The following PPP1R21 variants were observed in gnomAD, a reference collection of about 807,000 sequenced individuals.
PPP1R21 encodes the protein KLRAQ motif containing 1.
In PPP1R21, 85 loss-of-function variants were observed where a neutral mutation model predicts 112.8. That is an observed-to-expected ratio of 0.75 (90% CI 0.63 to 0.90). The LOEUF is 0.90. PPP1R21 is among the 40% of genes least tolerant of loss of function. The probability of loss-of-function intolerance (pLI) is 0.00; values close to 1 mark genes in which losing one functional copy is unlikely to be tolerated. For missense variants in PPP1R21, 1,199 were observed against 901.5 expected (o/e 1.33, Z -4.23); for synonymous variants, 381 against 322.3 (o/e 1.18, Z -1.95).
chr2:48,455,820 C>T (rs1667695596), intron 3 of PPP1R21, among the ~76,000 whole-genome samples: 1 of 151,900 alleles, frequency 6.6e-6, no homozygotes, highest in African/African-American at 2.4e-5. Flanking sequence ...TGAGACCATC[C>T]TGGCTAACAT....
At chr2:48,476,325 T>C (rs1024446098) in intron 12 of PPP1R21, among the ~76,000 whole-genome samples, 1 of 152,272 alleles carries the variant, frequency 6.6e-6, no homozygotes, top group Non-Finnish European at 1.5e-5. Context: ...TTTATGGATG[T>C]ATCACATTTT....
In PPP1R21 at chr2:48,494,570, C is replaced by T. The variant is rs1012545232; in HGVS notation, c.1600-1109C>T. On this transcript the variant is annotated intron_variant, in intron 15 of 21. Transcript: ENST00000294952. Reference sequence around the variant, plus strand: ...GCCTCCCACAGGATCCTGCCACCTCCCCCGGCTAATTGTTTTTGTATTTTT... The same window carrying T: ...GCCTCCCACAGGATCCTGCCACCTCTCCCGGCTAATTGTTTTTGTATTTTT... Among the ~76,000 whole-genome samples the T allele has an allele frequency of 4.6e-5, 7 of 151,348 alleles. No homozygotes were observed. In the South Asian group the frequency reaches 1.5e-3, roughly 32 times the overall value.
At position 48,470,535 on chromosome 2, in the gene PPP1R21, A is replaced by G. The variant is rs573471566; in HGVS notation, c.898-552A>G. Among the ~76,000 whole-genome samples, 163 of 151,548 alleles carry G rather than the reference A, an allele frequency of 1.1e-3. 3 individuals are homozygous for G. The highest frequency in any genetic ancestry group is 3.7e-3 in the African/African-American group (151 of 41,320). On this transcript the variant is annotated intron_variant, in intron 9 of 21. Coordinates refer to ENST00000294952, the MANE Select transcript of PPP1R21 (RefSeq NM_001135629.3). ...ACTCTGTCTCAAAAAAAAAAAAAAA[A>G]GGTTTCTGTATCCTCATTTTGATAA...
At chr2:48,501,965 A>C (rs1670136588) in intron 17 of PPP1R21, 1 of 152,200 alleles carries the variant, frequency 6.6e-6, no homozygotes, top group Admixed American at 6.5e-5. Flanking sequence ...ATTTTTGAGC[A>C]GGGACCATGC....
intron 4 of PPP1R21, among the ~76,000 whole-genome samples, chr2:48,459,134 A>G (rs1667863995): frequency 6.6e-6 from 1 of 151,076 alleles, no homozygotes; most frequent in Admixed American, 6.6e-5. Context: ...TAGTGTATCC[A>G]ACTATAACCT....
chr2:48,440,869 C>G lies in PPP1R21; in HGVS notation c.-85C>G, dbSNP rs60276176. On this transcript the variant is annotated 5_prime_UTR_variant, in exon 1 of 22. Transcript: ENST00000294952. Reference sequence around the variant, plus strand: ...CCAAGCAGGCAGATACTGCCTGACCCGTTCCCGGGAGCGTGTCTGGGTTTG... The same window carrying G: ...CCAAGCAGGCAGATACTGCCTGACCGGTTCCCGGGAGCGTGTCTGGGTTTG... The G allele has an allele frequency of 8.3e-6, 7 of 838,488 alleles. No individual in the cohort carries two copies. The highest frequency in any genetic ancestry group is 5.8e-5 in the South Asian group (4 of 69,078). The allele number at this position is 838,488 out of a possible 1,614,324, so 51.9% of individuals were successfully genotyped here. A position where few individuals can be genotyped will look rare whatever the true frequency, so the allele number is the denominator to read the frequency against.
chr2:48,471,315 T>G lies in PPP1R21; in HGVS notation c.1036T>G (p.Leu346Val). 1 of 1,611,834 alleles carries G rather than the reference T, an allele frequency of 6.2e-7. No individual in the cohort carries two copies. The highest frequency in any genetic ancestry group is 1.3e-5 in the African/African-American group (1 of 74,904). The part of the protein sequence containing the change: ...TVKLKTFSEH[L>V]TSYICFLRKI... ...GAAATTGAAAACTTTTTCAGAACAC[T>G]TAACCTCCTACATATGTTTTCTTAG... The change falls in exon 11 of 22, where the codon TTA becomes GTA. Residue 346 changes from leucine to valine, a missense_variant. Transcript: ENST00000294952.
intron 17 of PPP1R21, among the ~76,000 whole-genome samples, chr2:48,500,738 C>G (rs1183779469): frequency 1.3e-5 from 2 of 152,058 alleles, no homozygotes; most frequent in Non-Finnish European, 2.9e-5. Context: ...GAAACCCCAT[C>G]TCTACTAAAA....
intron 13 of PPP1R21, among the ~76,000 whole-genome samples, chr2:48,484,805 G>A (rs1669204044): frequency 6.6e-6 from 1 of 152,176 alleles, no homozygotes; most frequent in African/African-American, 2.4e-5. Context: ...ATGAGCCACT[G>A]CATCCTGCCA....
chr2:48,507,160 C>A, intron 18 of PPP1R21, 109 bp from the exon 19 acceptor site: 1 of 1,370,914 alleles, frequency 7.3e-7, no homozygotes, highest in Non-Finnish European at 9.4e-7. Context: ...GATTCCCCAT[C>A]AAAGTTCAAG....
intron 15 of PPP1R21, among the ~76,000 whole-genome samples, chr2:48,493,597 CATAAATAA>C (rs57935733): frequency 6.6e-6 from 1 of 151,208 alleles, no homozygotes; most frequent in African/African-American, 2.4e-5. Context: ...GAAAAAAATA[CATAAATAA>C]ATAAATTTTT....
At chr2:48,485,354 C>A (rs899434730) in intron 13 of PPP1R21, among the ~76,000 whole-genome samples, 48 of 151,648 alleles carry the variant, frequency 3.2e-4, no homozygotes, top group African/African-American at 1.0e-3. Flanking sequence ...AATTTTTATA[C>A]ACTTGGACAT....
intron 14 of PPP1R21, among the ~76,000 whole-genome samples, chr2:48,489,778 G>A (rs531603959): frequency 6.6e-6 from 1 of 152,124 alleles, no homozygotes; most frequent in African/African-American, 2.4e-5. Context: ...GGGTGTGGTG[G>A]CTCACGCCTG....
At chr2:48,506,572 G>T (rs955263813) in intron 18 of PPP1R21, among the ~76,000 whole-genome samples, 2 of 152,122 alleles carry the variant, frequency 1.3e-5, no homozygotes, top group Non-Finnish European at 2.9e-5. Context: ...ACTCAACAGG[G>T]TGTCATTGTT....
intron 17 of PPP1R21, among the ~76,000 whole-genome samples, chr2:48,499,460 T>C (rs1490356337): frequency 6.6e-6 from 1 of 152,226 alleles, no homozygotes; most frequent in Non-Finnish European, 1.5e-5. Context: ...TGATGGCTTA[T>C]GCCTGTAACT....
chr2:48,508,758 G>A (rs1049891359), intron 19 of PPP1R21, among the ~76,000 whole-genome samples: 5 of 152,244 alleles, frequency 3.3e-5, no homozygotes, highest in African/African-American at 4.8e-5. Flanking sequence ...AATAGGAGGC[G>A]GTTGACTTGG....
intron 14 of PPP1R21, among the ~76,000 whole-genome samples, chr2:48,488,983 T>C (rs1669436421): frequency 6.6e-6 from 1 of 152,170 alleles, no homozygotes; most frequent in African/African-American, 2.4e-5. Context: ...GGACTATATA[T>C]AGCTCAAGAT....
intron 10 of PPP1R21, 32 bp downstream of exon 10, chr2:48,471,220 C>G (rs777801119): frequency 1.2e-6 from 2 of 1,604,936 alleles, no homozygotes; most frequent in Admixed American, 1.7e-5. Flanking sequence ...CTTCTGGAAA[C>G]TGGGAGCTCC....
In PPP1R21 at chr2:48,495,660, T is replaced by G; in HGVS notation, c.1600-19T>G. 3.4e-6 allele frequency: 5 copies of G among 1,462,342 alleles called. No individual in the cohort carries two copies. Among genetic ancestry groups the G allele is most frequent in the Non-Finnish European group, 9.6e-7 (1 of 1,043,350 alleles). The allele number at this position is 1,462,342 out of a possible 1,614,324, so 90.6% of individuals were successfully genotyped here. On this transcript the variant is annotated intron_variant, in intron 15 of 21. Coordinates refer to ENST00000294952, the MANE Select transcript of PPP1R21 (RefSeq NM_001135629.3). The stretch of plus-strand genomic sequence containing the variant: ...GATACAATATTTTTTCTTTAATTCT[T>G]ATGATGCTTTTATCATAGCCCCTCT...
Sources: allele counts gnomAD v4.1 joint callset (sites outside exome capture counted in the v4.1 genomes callset), GRCh38; gene constraint gnomAD v4.1.1; transcripts MANE v1.5; gene names NCBI Gene and HGNC (gene_info 2026-07-23, HGNC 2026-07-21).